TMEM135: variants seen among roughly 807,000 people sequenced by gnomAD.
The protein encoded by TMEM135 is transmembrane protein 135.
A neutral mutation model predicts 60.3 loss-of-function variants in TMEM135; 30 were observed. The observed-to-expected ratio is 0.50, with a 90% CI of 0.37 to 0.68. TMEM135 has a LOEUF of 0.68. Among genes scored for constraint, TMEM135 ranks in the 30% least tolerant of loss-of-function variants. The pLI is 0.00. For missense variants in TMEM135, 468 were observed against 548.8 expected (o/e 0.85, Z 1.47); for synonymous variants, 190 against 186.7 (o/e 1.02, Z -0.14).
intron 4 of TMEM135, among the ~76,000 whole-genome samples, chr11:87,101,487 T>TG (rs1857455375): frequency 6.6e-6 from 1 of 152,236 alleles, no homozygotes; most frequent in South Asian, 2.1e-4. Flanking sequence ...AAAATCCTTC[T>TG]GTTTGAGTCC....
At position 87,236,680 on chromosome 11, in the gene TMEM135, T is replaced by C; in HGVS notation, c.505T>C (p.Phe169Leu). ...CITAAMYMFFFRCKDGLKGFT... is the reference protein window; with the variant it reads ...CITAAMYMFFLRCKDGLKGFT... ...CACAGCTGCCATGTACATGTTCTTT[T>C]TCAGGTATGTTCTGTTATACTTATT... The change falls in exon 6 of 15, where the codon TTC (phenylalanine) becomes CTC (leucine). Residue 169 changes from phenylalanine (F) to leucine (L), a missense_variant. By Grantham distance (22) the Phe-to-Leu change is conservative. Transcript: ENST00000305494. 1 of 1,611,986 alleles carries C rather than the reference T, an allele frequency of 6.2e-7. No individual in the cohort carries two copies. Among genetic ancestry groups the C allele is most frequent in the Non-Finnish European group, 8.5e-7 (1 of 1,178,610 alleles).
At chr11:87,108,097 G>C (rs1401699452) in intron 4 of TMEM135, among the ~76,000 whole-genome samples, 1 of 152,050 alleles carries the variant, frequency 6.6e-6, no homozygotes, top group African/African-American at 2.4e-5. Context: ...TTGCCCACTT[G>C]TTGATGGGGT....
intron 4 of TMEM135, among the ~76,000 whole-genome samples, chr11:87,150,944 T>G (rs1487936842): frequency 2.0e-5 from 3 of 152,186 alleles, no homozygotes; most frequent in Admixed American, 6.5e-5. Flanking sequence ...TATTTTTATA[T>G]TATTTTCATA....
At chr11:87,242,748 A>G (rs958533989) in intron 6 of TMEM135, among the ~76,000 whole-genome samples, 1 of 140,014 alleles carries the variant, frequency 7.1e-6, no homozygotes, top group Non-Finnish European at 1.6e-5. Context: ...GATTCTGGAT[A>G]TTAGCCCTTT....
chr11:87,225,875 A>G (rs929096011), intron 5 of TMEM135, among the ~76,000 whole-genome samples: 10 of 152,004 alleles, frequency 6.6e-5, no homozygotes, highest in African/African-American at 2.4e-4. Flanking sequence ...AATGGTAAAA[A>G]CTTGTCTAGT....
intron 4 of TMEM135, among the ~76,000 whole-genome samples, chr11:87,126,729 A>G (rs1462596723): frequency 3.9e-5 from 6 of 152,128 alleles, no homozygotes; most frequent in Non-Finnish European, 8.8e-5. Flanking sequence ...CCCATGAAGT[A>G]TAGCAAATGC....
At chr11:87,069,897 T>G (rs1436492677) in intron 2 of TMEM135, among the ~76,000 whole-genome samples, 1 of 151,992 alleles carries the variant, frequency 6.6e-6, no homozygotes, top group Non-Finnish European at 1.5e-5. Context: ...TCAGGCCAGG[T>G]ACGGTGGCTC....
intron 3 of TMEM135, among the ~76,000 whole-genome samples, chr11:87,080,168 G>GTTTTT (rs35717116): frequency 9.4e-5 from 12 of 128,320 alleles, no homozygotes; most frequent in Non-Finnish European, 1.2e-4. Flanking sequence ...TGTTTGCAGT[G>GTTTTT]TTTTTTTTTT....
chr11:87,252,335 T>A (rs1301768573), intron 6 of TMEM135, among the ~76,000 whole-genome samples: 2 of 151,980 alleles, frequency 1.3e-5, no homozygotes, highest in Non-Finnish European at 1.5e-5. Flanking sequence ...TATAAATGAT[T>A]AGGAAGAAAT....
intron 3 of TMEM135, among the ~76,000 whole-genome samples, chr11:87,080,228 CA>C (rs1856962024): frequency 1.4e-5 from 2 of 145,532 alleles, no homozygotes; most frequent in South Asian, 4.5e-4. Flanking sequence ...TGTTTGTCTA[CA>C]GCTGGTTTTC....
At chr11:87,233,371 A>G (rs912127855) in intron 5 of TMEM135, among the ~76,000 whole-genome samples, 3 of 152,126 alleles carry the variant, frequency 2.0e-5, no homozygotes, top group African/African-American at 7.2e-5. Flanking sequence ...TATGCTGCCT[A>G]CAAGCAATGC....
intron 3 of TMEM135, among the ~76,000 whole-genome samples, chr11:87,086,179 AC>A (rs1323587670): frequency 1.3e-5 from 2 of 152,124 alleles, no homozygotes; most frequent in African/African-American, 4.8e-5. Flanking sequence ...TCTTAGAAAT[AC>A]CTTGTTGGCT....
At chr11:87,128,183 GA>G (rs1378114706) in intron 4 of TMEM135, among the ~76,000 whole-genome samples, 1 of 152,140 alleles carries the variant, frequency 6.6e-6, no homozygotes, top group Non-Finnish European at 1.5e-5. Flanking sequence ...TTTAGAGCTG[GA>G]AAACAAAACT....
Position 87,180,753 on chromosome 11 carries a change from G to A in TMEM135, c.462+23347G>A, listed in dbSNP as rs1265242947. On this transcript the variant is annotated intron_variant, in intron 5 of 14. Transcript: ENST00000305494. ...CCCACCAGGTAGGTTGGGACTTGTGGTTTGAAGCTAACAGGGTTGATTGTC... is the reference window on the plus strand; with the variant it reads ...CCCACCAGGTAGGTTGGGACTTGTGATTTGAAGCTAACAGGGTTGATTGTC... Among the ~76,000 whole-genome samples the A allele has an allele frequency of 2.6e-5, 4 of 152,110 alleles. No individual in the cohort carries two copies. The East Asian group carries it at 7.7e-4, about 29-fold the overall frequency.
chr11:87,208,942 T>C (rs182889210), intron 5 of TMEM135, among the ~76,000 whole-genome samples: 2 of 152,246 alleles, frequency 1.3e-5, no homozygotes, highest in African/African-American at 4.8e-5. Context: ...ATTCCAACAA[T>C]AATTTCATAT....
intron 4 of TMEM135, among the ~76,000 whole-genome samples, chr11:87,110,743 C>G (rs1857720798): frequency 6.6e-6 from 1 of 151,774 alleles, no homozygotes; most frequent in African/African-American, 2.4e-5. Context: ...CTATTTTTGA[C>G]TGCTTTTTAA....
chr11:87,202,310 G>A (rs549877635), intron 5 of TMEM135, among the ~76,000 whole-genome samples: 2 of 152,178 alleles, frequency 1.3e-5, no homozygotes, highest in South Asian at 4.1e-4. Flanking sequence ...ACAGGCGTAA[G>A]CCGCCATGCC....
At chr11:87,056,639 T>G (rs1014438184) in intron 1 of TMEM135, among the ~76,000 whole-genome samples, 1 of 152,198 alleles carries the variant, frequency 6.6e-6, no homozygotes, top group African/African-American at 2.4e-5. Flanking sequence ...TTCTTTTTAG[T>G]GGAATTTATG....
chr11:87,222,260 G>C (rs1940641372), intron 5 of TMEM135, among the ~76,000 whole-genome samples: 1 of 151,632 alleles, frequency 6.6e-6, no homozygotes, highest in Non-Finnish European at 1.5e-5. Context: ...ACTTTGGGTG[G>C]CTGAGGCAGG....
Sources: allele counts gnomAD v4.1 joint callset (sites outside exome capture counted in the v4.1 genomes callset), GRCh38; gene constraint gnomAD v4.1.1; transcripts MANE v1.5; gene names NCBI Gene and HGNC (gene_info 2026-07-23, HGNC 2026-07-21).